The following MAMLD1 variants were observed in gnomAD, a reference collection of about 807,000 sequenced individuals.
The protein encoded by MAMLD1 is mastermind-like domain-containing protein 1.
MAMLD1 carries 14 observed loss-of-function variants against 45.0 expected under a neutral mutation model. That is an observed-to-expected ratio of 0.31 (90% CI 0.21 to 0.49). MAMLD1 has a LOEUF of 0.49. MAMLD1 is among the 20% of genes least tolerant of loss of function. The pLI is 0.99. For missense variants in MAMLD1, 543 were observed against 603.6 expected (o/e 0.90, Z 1.05); for synonymous variants, 254 against 247.8 (o/e 1.02, Z -0.24).
At position 150,493,969 on chromosome X, in the gene MAMLD1, A is replaced by ATT. The variant is rs10719413; in HGVS notation, c.2041-9297_2041-9296dup. 3.6e-5 allele frequency among the ~76,000 whole-genome samples: 4 copies of ATT among 109,782 alleles called. No individual in the cohort carries two copies. In the Admixed American group the frequency reaches 3.9e-4, roughly 11 times the overall value. On this transcript the variant is annotated intron_variant, in intron 5 of 7. Transcript: ENST00000370401. ...CACATTGGAGTGCAGTATTTCAGTC[A>ATT]TTTTTTTTTCTATGTAGAAATATAT...
intron 1 of MAMLD1, among the ~76,000 whole-genome samples, chrX:150,436,080 G>A: frequency 9.0e-6 from 1 of 111,616 alleles, no homozygotes; most frequent in Non-Finnish European, 1.9e-5. Context: ...CTGCCGAATG[G>A]TCTGCTGTTA....
In MAMLD1 at chrX:150,495,344, C is replaced by T. The variant is rs182605273; in HGVS notation, c.2041-7930C>T. On this transcript the variant is annotated intron_variant, in intron 5 of 7. Transcript: ENST00000370401. ...TCAGAAGAAGAGAGGTTGACCTGTC[C>T]TGGTCATTATCTGCCTTCAGCTTCC... Among the ~76,000 whole-genome samples, 36 of 112,723 alleles carry T rather than the reference C, an allele frequency of 3.2e-4. No homozygotes were observed. In the Admixed American group the frequency reaches 3.3e-3, roughly 10 times the overall value.
intron 6 of MAMLD1, chrX:150,504,691 C>T: frequency 4.0e-6 from 3 of 750,333 alleles, no homozygotes; most frequent in Non-Finnish European, 4.7e-6. Context: ...AGGATATCAG[C>T]TAGCTTGCCT....
chrX:150,417,427 G>T (rs1248859833), intron 1 of MAMLD1, among the ~76,000 whole-genome samples: 586 of 106,235 alleles, frequency 5.5e-3, no homozygotes, highest in Non-Finnish European at 9.4e-3. Context: ...CATTTGGGTT[G>T]GTTCCAAGTC....
At chrX:150,407,259 G>A (rs1188083579) in intron 1 of MAMLD1, among the ~76,000 whole-genome samples, 1 of 112,211 alleles carries the variant, frequency 8.9e-6, no homozygotes, top group East Asian at 2.8e-4. Context: ...ATAAGACCTA[G>A]CAGTAGGTCT....
chrX:150,437,783 A>T (rs888770928), intron 1 of MAMLD1, among the ~76,000 whole-genome samples: 2 of 112,086 alleles, frequency 1.8e-5, no homozygotes, highest in Non-Finnish European at 3.8e-5. Flanking sequence ...ACATTGACAC[A>T]GTCAAAATAC....
At chrX:150,366,902 ATC>A (rs1427960925) in intron 1 of MAMLD1, among the ~76,000 whole-genome samples, 3 of 110,759 alleles carry the variant, frequency 2.7e-5, no homozygotes, top group Non-Finnish European at 3.8e-5. Flanking sequence ...CTGGGAGGAA[ATC>A]TCTCTGTTTT....
At chrX:150,409,036 T>C (rs2034061772) in intron 1 of MAMLD1, among the ~76,000 whole-genome samples, 1 of 111,602 alleles carries the variant, frequency 9.0e-6, no homozygotes, top group South Asian at 3.8e-4. Context: ...AGACAACCTC[T>C]TCTGCGGGGC....
At chrX:150,430,018 T>C (rs1231657699) in intron 1 of MAMLD1, among the ~76,000 whole-genome samples, 3 of 67,890 alleles carry the variant, frequency 4.4e-5, no homozygotes, top group South Asian at 1.1e-3. Flanking sequence ...TTCTTTCTTT[T>C]CTTTTTTTTT....
At chrX:150,431,900 T>C (rs1396990770) in intron 1 of MAMLD1, among the ~76,000 whole-genome samples, 4 of 111,820 alleles carry the variant, frequency 3.6e-5, no homozygotes, top group Non-Finnish European at 7.5e-5. Context: ...TGTGTCTTTA[T>C]GGTAGAATGA....
chrX:150,369,273 T>C (rs2031771871), intron 1 of MAMLD1, among the ~76,000 whole-genome samples: 1 of 111,657 alleles, frequency 9.0e-6, no homozygotes, highest in African/African-American at 3.3e-5. Flanking sequence ...GACAAGTCCA[T>C]CCTTTCTCTC....
chrX:150,426,253 G>C (rs1321036862), intron 1 of MAMLD1, among the ~76,000 whole-genome samples: 2 of 112,330 alleles, frequency 1.8e-5, no homozygotes, highest in East Asian at 5.6e-4. Context: ...CTAGTCCCTA[G>C]TACAGCAGGG....
At chrX:150,440,711 A>G (rs1337320319) in intron 1 of MAMLD1, among the ~76,000 whole-genome samples, 3 of 108,471 alleles carry the variant, frequency 2.8e-5, no homozygotes, top group Non-Finnish European at 5.7e-5. Context: ...CAATCAGAGT[A>G]TTGGTAATTT....
intron 1 of MAMLD1, among the ~76,000 whole-genome samples, chrX:150,365,431 G>A (rs1324676499): frequency 8.9e-6 from 1 of 112,961 alleles, no homozygotes; most frequent in Non-Finnish European, 1.9e-5. Flanking sequence ...GCGAGCTGGC[G>A]GGCGCGCGCA....
chrX:150,408,369 AT>A (rs1212262782), intron 1 of MAMLD1, among the ~76,000 whole-genome samples: 3,745 of 108,857 alleles, frequency 0.034, 162 homozygotes, highest in African/African-American at 0.12. Context: ...TTTGCTCTCC[AT>A]TTTTTTTTCA....
intron 1 of MAMLD1, among the ~76,000 whole-genome samples, chrX:150,431,750 C>CTT (rs60380981): frequency 9.2e-4 from 95 of 102,747 alleles, no homozygotes; most frequent in Middle Eastern, 1.0e-2. Flanking sequence ...ACATGATCTC[C>CTT]TTTTTTTTTT....
At chrX:150,497,031 G>A (rs1437216356) in intron 5 of MAMLD1, among the ~76,000 whole-genome samples, 1 of 112,301 alleles carries the variant, frequency 8.9e-6, no homozygotes, top group Non-Finnish European at 1.9e-5. Context: ...AAGTGAATTT[G>A]ATTTTGGACC....
chrX:150,377,819 T>TCACCACACA (rs1557401506), intron 1 of MAMLD1, among the ~76,000 whole-genome samples: 1 of 91,834 alleles, frequency 1.1e-5, no homozygotes, highest in Non-Finnish European at 2.1e-5. Context: ...TACCACCCCC[T>TCACCACACA]CACACACACA....
rs201006027 is a variant in MAMLD1 at position 150,469,934 on chromosome X, G to A, written c.361G>A (p.Ala121Thr). The A allele has an allele frequency of 1.1e-4, 132 of 1,210,258 alleles. No individual in the cohort carries two copies. In the Middle Eastern group the frequency reaches 3.9e-3, roughly 36 times the overall value. ...PPLTINPSPA[A>T]MGVAGQSLLL... ...ATTGACAATAAATCCTAGCCCTGCG[G>A]CTATGGGAGTGGCTGGCCAGTCATT... The change falls in exon 4 of 8, where the codon GCT (alanine) becomes ACT (threonine). Residue 121 changes from alanine (A) to threonine (T), a missense_variant. Coordinates refer to ENST00000370401, the MANE Select transcript of MAMLD1 (RefSeq NM_005491.5).
Sources: allele counts gnomAD v4.1 joint callset (sites outside exome capture counted in the v4.1 genomes callset), GRCh38; gene constraint gnomAD v4.1.1; transcripts MANE v1.5; gene names NCBI Gene and HGNC (gene_info 2026-07-23, HGNC 2026-07-21).